The following RORA variants were observed in gnomAD, a reference collection of about 807,000 sequenced individuals.
RORA encodes RAR related orphan receptor A, also known as nuclear receptor ROR-alpha.
A neutral mutation model predicts 69.5 loss-of-function variants in RORA; 7 were observed. The observed-to-expected ratio is 0.10, with a 90% CI of 0.06 to 0.19. The LOEUF (loss-of-function observed/expected upper bound fraction) is 0.19. Among genes scored for constraint, RORA ranks in the 10% least tolerant of loss-of-function variants. The pLI is 1.00. For missense variants in RORA, 457 were observed against 663.0 expected (o/e 0.69, Z 3.41); for synonymous variants, 261 against 240.8 (o/e 1.08, Z -0.78).
intron 2 of RORA, among the ~76,000 whole-genome samples, chr15:60,620,045 A>G (rs1596067543): frequency 6.6e-6 from 1 of 152,224 alleles, no homozygotes; most frequent in East Asian, 1.9e-4. Flanking sequence ...CACGGTCAGC[A>G]TCTCTCACTA....
intron 1 of RORA, among the ~76,000 whole-genome samples, chr15:61,088,664 G>A (rs1410536888): frequency 6.6e-6 from 1 of 152,156 alleles, no homozygotes; most frequent in Non-Finnish European, 1.5e-5. Context: ...ATACGAAGGT[G>A]AAGGGAGGCA....
chr15:61,219,705 A>C (rs2080077013), intron 1 of RORA, among the ~76,000 whole-genome samples: 1 of 152,222 alleles, frequency 6.6e-6, no homozygotes, highest in African/African-American at 2.4e-5. Context: ...GCTTACTAGG[A>C]ATGTGATCTC....
At chr15:60,747,406 C>T (rs867144806) in intron 1 of RORA, among the ~76,000 whole-genome samples, 4 of 152,018 alleles carry the variant, frequency 2.6e-5, no homozygotes, top group Admixed American at 6.6e-5. Flanking sequence ...GGGTAGGGTT[C>T]GAGTGACTGG....
intron 3 of RORA, among the ~76,000 whole-genome samples, chr15:60,518,602 C>T (rs980048547): frequency 1.1e-4 from 16 of 152,348 alleles, no homozygotes; most frequent in African/African-American, 2.9e-4. Context: ...TTACGCTTCT[C>T]GCCATGATTC....
chr15:60,757,764 TC>T (rs1485063978), intron 1 of RORA, among the ~76,000 whole-genome samples: 1 of 152,138 alleles, frequency 6.6e-6, no homozygotes, highest in Non-Finnish European at 1.5e-5. Flanking sequence ...CCTTTCAGCC[TC>T]CCTTGCTGGT....
chr15:60,533,528 T>A (rs2066590290), intron 2 of RORA, among the ~76,000 whole-genome samples: 1 of 152,254 alleles, frequency 6.6e-6, no homozygotes, highest in Non-Finnish European at 1.5e-5. Flanking sequence ...TACTGCACAG[T>A]CCTTCCATTA....
At chr15:60,881,982 A>T (rs2073685169) in intron 1 of RORA, among the ~76,000 whole-genome samples, 1 of 152,220 alleles carries the variant, frequency 6.6e-6, no homozygotes, top group Non-Finnish European at 1.5e-5. Flanking sequence ...ATGAATGGAT[A>T]CCTGAGACTT....
chr15:61,201,252 T>C (rs543054185), intron 1 of RORA, among the ~76,000 whole-genome samples: 2 of 152,218 alleles, frequency 1.3e-5, no homozygotes, highest in Non-Finnish European at 2.9e-5. Flanking sequence ...GTGCATTTGC[T>C]GGCACACCCA....
chr15:60,614,842 T>C, intron 2 of RORA: 2 of 1,434,750 alleles, frequency 1.4e-6, no homozygotes, highest in Non-Finnish European at 1.9e-6. Context: ...GACACTGACA[T>C]GCTTACATAC....
intron 1 of RORA, among the ~76,000 whole-genome samples, chr15:60,980,881 C>G (rs1168488286): frequency 6.6e-6 from 1 of 151,748 alleles, no homozygotes; most frequent in Non-Finnish European, 1.5e-5. Flanking sequence ...CAACTCTAAT[C>G]TTTATTATTC....
intron 2 of RORA, among the ~76,000 whole-genome samples, chr15:60,662,955 G>A (rs1318694530): frequency 1.3e-5 from 2 of 152,166 alleles, no homozygotes; most frequent in Non-Finnish European, 2.9e-5. Flanking sequence ...AAGTGGAGCT[G>A]CCTTGCCCAA....
At chr15:61,035,611 C>A (rs1341818771) in intron 1 of RORA, among the ~76,000 whole-genome samples, 1 of 152,118 alleles carries the variant, frequency 6.6e-6, no homozygotes, top group Admixed American at 6.6e-5. Flanking sequence ...GAGACAGAGG[C>A]CTTCTGCTCA....
At position 61,061,543 on chromosome 15, in the gene RORA, T is replaced by A. The variant is rs2078187067; in HGVS notation, c.166+167510A>T. 6.6e-6 allele frequency among the ~76,000 whole-genome samples: 1 copy of A among 152,052 alleles called. No individual in the cohort carries two copies. Among genetic ancestry groups the A allele is most frequent in the Non-Finnish European group, 1.5e-5 (1 of 68,010 alleles). On this transcript the variant is annotated intron_variant, in intron 1 of 10. Coordinates refer to ENST00000335670, the MANE Select transcript of RORA (RefSeq NM_134261.3). This position sits in a 1 kb window ranked among gnomAD's most constrained non-coding sequence, Gnocchi z 4.4. ...TCTGACCTCGCCCCTCATTCTAAAG[T>A]GTAATTCCCAGATTTTCAGTAACTT... is the stretch of plus-strand genomic sequence containing the variant.
At chr15:61,145,120 T>C (rs930531907) in intron 1 of RORA, among the ~76,000 whole-genome samples, 8 of 152,164 alleles carry the variant, frequency 5.3e-5, no homozygotes, top group Non-Finnish European at 1.2e-4. Flanking sequence ...TGTCATAAAC[T>C]TACTTCTCTA....
chr15:60,504,503 C>T (rs2065434389), intron 6 of RORA, among the ~76,000 whole-genome samples: 1 of 152,096 alleles, frequency 6.6e-6, no homozygotes, highest in Admixed American at 6.5e-5. Context: ...GCCGAGATTG[C>T]GCCAGTGCAA....
At chr15:60,685,709 A>C (rs1377566981) in intron 1 of RORA, among the ~76,000 whole-genome samples, 1 of 152,228 alleles carries the variant, frequency 6.6e-6, no homozygotes, top group Non-Finnish European at 1.5e-5. Flanking sequence ...CTTAATGGAC[A>C]CTAATGCTTA....
At chr15:60,995,377 C>T (rs922498105) in intron 1 of RORA, among the ~76,000 whole-genome samples, 11 of 152,152 alleles carry the variant, frequency 7.2e-5, no homozygotes, top group Non-Finnish European at 1.3e-4. Context: ...TCGGCCAGCG[C>T]GAGGCCTCCT....
At chr15:60,891,863 A>G (rs1285152501) in intron 1 of RORA, among the ~76,000 whole-genome samples, 3 of 152,150 alleles carry the variant, frequency 2.0e-5, no homozygotes, top group Non-Finnish European at 1.5e-5. Flanking sequence ...ATTTAGCTTT[A>G]TGGTCACCAC....
chr15:60,617,242 C>T (rs950980200), intron 2 of RORA, among the ~76,000 whole-genome samples: 5 of 152,170 alleles, frequency 3.3e-5, no homozygotes, highest in African/African-American at 1.2e-4. Context: ...TTTTATTGCT[C>T]ATATTTGTTG....
Sources: allele counts gnomAD v4.1 joint callset (sites outside exome capture counted in the v4.1 genomes callset), GRCh38; gene constraint gnomAD v4.1.1; non-coding constraint Gnocchi (gnomAD v3.1); transcripts MANE v1.5; gene names NCBI Gene and HGNC (gene_info 2026-07-23, HGNC 2026-07-21).